The following TENM3 variants were observed in gnomAD, a reference collection of about 807,000 sequenced individuals.
The protein encoded by TENM3 is teneurin-3.
TENM3 carries 63 observed loss-of-function variants against 255.1 expected under a neutral mutation model. That is an observed-to-expected ratio of 0.25 (90% confidence interval 0.20 to 0.30). The LOEUF is 0.30. Ranked by LOEUF, TENM3 falls within the 10% of genes least tolerant of loss-of-function variation. TENM3 has a pLI of 1.00. For synonymous variants in TENM3, 1,306 were observed against 1,322.3 expected (o/e 0.99, Z 0.27); for missense variants, 2,929 against 3,461.1 (o/e 0.85, Z 3.86).
chr4:182,473,530 A>T (rs187327079), intron 3 of TENM3, among the ~76,000 whole-genome samples: 41 of 152,134 alleles, frequency 2.7e-4, no homozygotes, highest in African/African-American at 9.4e-4. Flanking sequence ...AAAATTAGCC[A>T]GGCGTGGTGG....
the TENM3 span, among the ~76,000 whole-genome samples, chr4:181,887,519 A>G: frequency 1.3e-5 from 2 of 151,890 alleles, no homozygotes; most frequent in Admixed American, 6.6e-5. Context: ...GTGCCTCTCT[A>G]TCCAGTCTTC....
chr4:181,758,562 C>T, the TENM3 span, among the ~76,000 whole-genome samples: 15 of 152,144 alleles, frequency 9.9e-5, no homozygotes, highest in African/African-American at 3.6e-4. Flanking sequence ...CGCTAATTAG[C>T]TTTTTAAGCT....
Position 182,801,286 on chromosome 4 carries a change from A to G in TENM3, c.*935A>G, listed in dbSNP as rs77121941. On this transcript the variant is annotated 3_prime_UTR_variant, in exon 28 of 28. Coordinates refer to ENST00000511685, the MANE Select transcript of TENM3 (RefSeq NM_001080477.4). ...TTGAAAAAATGTGCAAGCTTCTATC[A>G]CTAGATGGATAGGACCGTGCAATTC... The G allele has an allele frequency of 0.088, 13,368 of 152,496 alleles. 792 individuals carry two copies. The highest frequency in any genetic ancestry group is 0.12 in the Non-Finnish European group (8,088 of 67,986). 9.4% of individuals were successfully genotyped at this position (152,496 alleles called of 1,614,324 possible).
chr4:181,779,308 G>A, the TENM3 span, among the ~76,000 whole-genome samples: 7 of 149,030 alleles, frequency 4.7e-5, no homozygotes, highest in African/African-American at 1.2e-4. Flanking sequence ...CTTTTGCTAC[G>A]TGGGCCAAGA....
At chr4:182,077,709 G>T in the TENM3 span, among the ~76,000 whole-genome samples, 2 of 152,182 alleles carry the variant, frequency 1.3e-5, no homozygotes, top group Non-Finnish European at 2.9e-5. Context: ...GCAGACAGAG[G>T]TTCCTGCCTT....
At chr4:181,684,907 A>G in the TENM3 span, among the ~76,000 whole-genome samples, 4 of 122,424 alleles carry the variant, frequency 3.3e-5, no homozygotes, top group Non-Finnish European at 4.9e-5. Context: ...GGTGTGCACC[A>G]CCGTGCCTGG....
At chr4:182,585,250 A>T (rs955852755) in intron 3 of TENM3, among the ~76,000 whole-genome samples, 2 of 152,138 alleles carry the variant, frequency 1.3e-5, no homozygotes, top group African/African-American at 4.8e-5. Context: ...AGTATTTACA[A>T]TAGGAAATTG....
At chr4:182,324,938 T>C (rs1416904344) in intron 2 of TENM3, among the ~76,000 whole-genome samples, 1 of 152,226 alleles carries the variant, frequency 6.6e-6, no homozygotes, top group East Asian at 1.9e-4. Flanking sequence ...ATGACTCCTG[T>C]AACTTTACTT....
At chr4:182,750,418 C>T (rs1762289341) in intron 19 of TENM3, among the ~76,000 whole-genome samples, 1 of 152,188 alleles carries the variant, frequency 6.6e-6, no homozygotes, top group Non-Finnish European at 1.5e-5. Context: ...AAGGCCTCTA[C>T]AGACTCCATG....
At chr4:181,967,485 T>A in the TENM3 span, among the ~76,000 whole-genome samples, 1 of 152,178 alleles carries the variant, frequency 6.6e-6, no homozygotes, top group Non-Finnish European at 1.5e-5. Context: ...CTATCACCGG[T>A]TTAAAAGCCA....
At chr4:181,642,850 T>C in the TENM3 span, among the ~76,000 whole-genome samples, 1 of 152,196 alleles carries the variant, frequency 6.6e-6, no homozygotes, top group Non-Finnish European at 1.5e-5. Context: ...CTGTTTTCTG[T>C]TCCATTGGTC....
At chr4:182,179,123 G>A (rs1361585601) in intron 1 of TENM3, among the ~76,000 whole-genome samples, 1 of 152,088 alleles carries the variant, frequency 6.6e-6, no homozygotes, top group East Asian at 1.9e-4. Context: ...TCTAAATCTT[G>A]TATTTAAATT....
intron 3 of TENM3, among the ~76,000 whole-genome samples, chr4:182,442,321 A>G (rs933749080): frequency 6.6e-6 from 1 of 152,222 alleles, no homozygotes; most frequent in Non-Finnish European, 1.5e-5. Context: ...ATATCTTAGT[A>G]CATATGGATT....
At chr4:181,644,121 T>A in the TENM3 span, among the ~76,000 whole-genome samples, 1 of 150,340 alleles carries the variant, frequency 6.7e-6, no homozygotes, top group Non-Finnish European at 1.5e-5. Flanking sequence ...GAATTCTGCA[T>A]GTGAACAAAG....
At chr4:181,674,415 GAAA>G in the TENM3 span, among the ~76,000 whole-genome samples, 4 of 147,054 alleles carry the variant, frequency 2.7e-5, no homozygotes, top group South Asian at 2.1e-4. Flanking sequence ...CATGGTCTAT[GAAA>G]AAAAAAAAAA....
the TENM3 span, among the ~76,000 whole-genome samples, chr4:181,875,811 A>T: frequency 6.6e-6 from 1 of 152,080 alleles, no homozygotes; most frequent in Admixed American, 6.6e-5. Context: ...AAACTTAGTG[A>T]TTTACATTTT....
chr4:182,293,607 T>G (rs551134577), intron 1 of TENM3, among the ~76,000 whole-genome samples: 1 of 152,300 alleles, frequency 6.6e-6, no homozygotes, highest in Non-Finnish European at 1.5e-5. Flanking sequence ...GCAAGAATGG[T>G]GCTGATTATC....
the TENM3 span, among the ~76,000 whole-genome samples, chr4:181,629,243 C>T: frequency 1.4e-4 from 21 of 152,292 alleles, no homozygotes; most frequent in East Asian, 2.9e-3. Context: ...TGGGCTGAGA[C>T]AATGGGATTT....
the TENM3 span, among the ~76,000 whole-genome samples, chr4:181,876,805 A>T: frequency 6.6e-6 from 1 of 152,138 alleles, no homozygotes; most frequent in Non-Finnish European, 1.5e-5. Context: ...AATAGCATTT[A>T]AAAGTTTTAG....
Sources: gnomAD v4.1 joint callset for allele counts (sites outside exome capture counted in the v4.1 genomes callset) on GRCh38, gnomAD v4.1.1 for gene constraint, MANE v1.5 for transcripts, NCBI Gene and HGNC (gene_info 2026-07-23, HGNC 2026-07-21) for gene names.